KANSL1L: variants seen among roughly 807,000 people sequenced by gnomAD.
KANSL1L encodes the protein KAT8 regulatory NSL complex subunit 1-like protein.
Under a neutral mutation model 108.6 loss-of-function variants are expected in KANSL1L, and 25 were observed. The ratio of observed to expected loss-of-function variants is 0.23; its 90% CI spans 0.17 to 0.32. The LOEUF is 0.32. Among genes scored for constraint, KANSL1L ranks in the 10% least tolerant of loss-of-function variants. The pLI is 1.00. For synonymous variants in KANSL1L, 405 were observed against 395.1 expected (o/e 1.03, Z -0.30); for missense variants, 1,137 against 1,125.7 (o/e 1.01, Z -0.14).
intron 6 of KANSL1L, among the ~76,000 whole-genome samples, chr2:210,066,621 C>T (rs2094469107): frequency 6.6e-6 from 1 of 152,186 alleles, no homozygotes. Context: ...TCAAGTGATC[C>T]TCCCCCATCA....
chr2:210,078,701 T>C (rs1367009040), intron 5 of KANSL1L, among the ~76,000 whole-genome samples: 1 of 152,190 alleles, frequency 6.6e-6, no homozygotes, highest in Non-Finnish European at 1.5e-5. Flanking sequence ...CCCAATCAAT[T>C]AACCTCATTG....
intron 14 of KANSL1L, 72 bp from the exon 15 acceptor site, chr2:210,023,251 G>C (rs1431502243): frequency 2.0e-6 from 2 of 1,010,296 alleles, no homozygotes; most frequent in Non-Finnish European, 3.1e-6. Flanking sequence ...CAAGTAATCT[G>C]TACATGTCTA....
chr2:210,080,970 G>T (rs1021128586), intron 5 of KANSL1L, among the ~76,000 whole-genome samples: 1 of 152,006 alleles, frequency 6.6e-6, no homozygotes, highest in Admixed American at 6.6e-5. Context: ...AGCCAGGCGT[G>T]GTGGTGCATG....
intron 9 of KANSL1L, chr2:210,030,993 TTATATA>T: frequency 6.5e-6 from 1 of 153,276 alleles, no homozygotes; most frequent in East Asian, 1.9e-4. Context: ...TTTTAAAGCT[TTATATA>T]TATATATAAG....
At chr2:210,144,929 G>C (rs2095255268) in intron 2 of KANSL1L, among the ~76,000 whole-genome samples, 1 of 152,168 alleles carries the variant, frequency 6.6e-6, no homozygotes, top group African/African-American at 2.4e-5. Flanking sequence ...AGTTGATGAA[G>C]CAGTCACCTC....
At chr2:210,023,220 GT>G (rs1559491285) in intron 14 of KANSL1L, 41 bp from the exon 15 acceptor site, 2 of 1,427,752 alleles carry the variant, frequency 1.4e-6, no homozygotes, top group Non-Finnish European at 2.0e-6. Context: ...CAACTAACTT[GT>G]TTTGTTTAAA....
At chr2:210,123,030 G>C (rs1402242590) in intron 3 of KANSL1L, among the ~76,000 whole-genome samples, 1 of 152,018 alleles carries the variant, frequency 6.6e-6, no homozygotes, top group African/African-American at 2.4e-5. Context: ...TCTATCCAAA[G>C]GTCAGGGAAT....
At chr2:210,027,455 G>T in intron 11 of KANSL1L, 105 bp from the exon 12 acceptor site, 2 of 697,212 alleles carry the variant, frequency 2.9e-6, no homozygotes, top group Non-Finnish European at 5.1e-6. Flanking sequence ...GCACTTCCAT[G>T]GTTCAAATTG....
At chr2:210,110,898 G>T (rs748056687) in intron 3 of KANSL1L, among the ~76,000 whole-genome samples, 5 of 152,114 alleles carry the variant, frequency 3.3e-5, no homozygotes, top group Non-Finnish European at 5.9e-5. Context: ...GATAGCTTGA[G>T]CCCAGGAGCT....
intron 11 of KANSL1L, among the ~76,000 whole-genome samples, chr2:210,027,755 G>A (rs1438052321): frequency 6.6e-6 from 1 of 152,248 alleles, no homozygotes; most frequent in Non-Finnish European, 1.5e-5. Context: ...TTAATAACTG[G>A]CTCACAGAAG....
intron 6 of KANSL1L, among the ~76,000 whole-genome samples, chr2:210,054,901 A>C (rs1042037433): frequency 1.3e-5 from 2 of 152,224 alleles, no homozygotes; most frequent in Non-Finnish European, 1.5e-5. Context: ...AAAACCCCAA[A>C]GAACAAACAA....
At position 210,171,268 on chromosome 2, in the gene KANSL1L, C is replaced by G; in HGVS notation, c.-149G>C. 5.7e-6 allele frequency: 1 copy of G among 176,302 alleles called. No individual in the cohort carries two copies. The highest frequency in any genetic ancestry group is 1.7e-4 in the South Asian group (1 of 6,056). 10.9% of individuals were successfully genotyped at this position (176,302 alleles called of 1,614,324 possible). ...CCCACCCGGGGCGCCGCTGACTCGT[C>G]TCCAGAGCGCGCCCCGCTCCCGCCC... On this transcript the variant is annotated 5_prime_UTR_variant, in exon 1 of 15. Coordinates refer to ENST00000281772, the MANE Select transcript of KANSL1L (RefSeq NM_152519.4).
At chr2:210,127,483 T>A (rs1482463710) in intron 3 of KANSL1L, among the ~76,000 whole-genome samples, 1 of 152,008 alleles carries the variant, frequency 6.6e-6, no homozygotes, top group East Asian at 1.9e-4. Flanking sequence ...CAGGAAAAGA[T>A]AATATCAACA....
chr2:210,160,469 T>C (rs2095355925), intron 1 of KANSL1L, among the ~76,000 whole-genome samples: 1 of 152,206 alleles, frequency 6.6e-6, no homozygotes, highest in Admixed American at 6.5e-5. Context: ...CTAATGAATT[T>C]AATAAGGCAG....
chr2:210,058,485 T>C (rs548398183), intron 6 of KANSL1L, among the ~76,000 whole-genome samples: 1 of 152,274 alleles, frequency 6.6e-6, no homozygotes, highest in East Asian at 1.9e-4. Flanking sequence ...GTGATCTCTG[T>C]GACCCACACC....
chr2:210,053,112 C>T (rs2094311471), intron 6 of KANSL1L, among the ~76,000 whole-genome samples: 1 of 152,194 alleles, frequency 6.6e-6, no homozygotes, highest in Non-Finnish European at 1.5e-5. Context: ...ATACTAAGAA[C>T]TATAGCCATT....
intron 2 of KANSL1L, among the ~76,000 whole-genome samples, chr2:210,141,157 CCTCTCTGTTTT>C (rs951430484): frequency 3.5e-5 from 3 of 86,952 alleles, no homozygotes; most frequent in African/African-American, 1.1e-4. Flanking sequence ...CTTCCCCACT[CCTCTCTGTTTT>C]CTTTCTTTTC....
chr2:210,099,210 A>G (rs912071751), intron 4 of KANSL1L, among the ~76,000 whole-genome samples: 2 of 152,174 alleles, frequency 1.3e-5, no homozygotes, highest in Non-Finnish European at 2.9e-5. Context: ...AAATTATGCT[A>G]CATCAATTTT....
intron 8 of KANSL1L, 33 bp downstream of exon 8, chr2:210,040,387 A>G: frequency 1.0e-6 from 1 of 961,962 alleles, no homozygotes; most frequent in South Asian, 1.3e-5. Context: ...ATAAAAAGGC[A>G]TATAGAGTAC....
Sources: allele counts gnomAD v4.1 joint callset (sites outside exome capture counted in the v4.1 genomes callset), GRCh38; gene constraint gnomAD v4.1.1; transcripts MANE v1.5; gene names NCBI Gene and HGNC (gene_info 2026-07-23, HGNC 2026-07-21).